RARB: variants seen among roughly 807,000 people sequenced by gnomAD.
RARB encodes retinoic acid receptor beta, also known as HBV-activated protein.
A neutral mutation model predicts 51.9 loss-of-function variants in RARB; 17 were observed. That is an observed-to-expected ratio of 0.33 (90% CI 0.22 to 0.49). The LOEUF (loss-of-function observed/expected upper bound fraction) is 0.49, where lower values mean the gene tolerates loss of function less well. RARB is among the 20% of genes least tolerant of loss of function. The pLI, the probability that RARB is intolerant of heterozygous loss-of-function variation, is 0.99. For synonymous variants in RARB, 215 were observed against 195.4 expected, an observed-to-expected ratio of 1.10 and a Z score of -0.84; for missense variants, 369 against 550.8, an observed-to-expected ratio of 0.67 and a Z score of 3.30.
intron 3 of RARB, among the ~76,000 whole-genome samples, chr3:25,078,349 C>A (rs1698917312): frequency 6.6e-6 from 1 of 152,090 alleles, no homozygotes; most frequent in South Asian, 2.1e-4. Context: ...TTTTGCAATA[C>A]TATCTGATGA....
chr3:25,191,132 A>G (rs1701093756), intron 5 of RARB, among the ~76,000 whole-genome samples: 1 of 152,132 alleles, frequency 6.6e-6, no homozygotes, highest in Admixed American at 6.6e-5. Context: ...TCATGTATTA[A>G]AAGGGCATTT....
At chr3:25,279,218 C>T (rs1017676074) in intron 5 of RARB, among the ~76,000 whole-genome samples, 2 of 152,186 alleles carry the variant, frequency 1.3e-5, no homozygotes, top group Admixed American at 6.5e-5. Flanking sequence ...AAAATCAACA[C>T]TGAAACTTGG....
At chr3:25,035,887 C>T (rs1238937554) in intron 2 of RARB, among the ~76,000 whole-genome samples, 2 of 152,136 alleles carry the variant, frequency 1.3e-5, no homozygotes, top group African/African-American at 4.8e-5. Flanking sequence ...GCCTCAGTGA[C>T]TGCCACAACT....
intron 1 of RARB, among the ~76,000 whole-genome samples, chr3:25,457,514 C>T (rs1694978851): frequency 6.6e-6 from 1 of 152,174 alleles, no homozygotes; most frequent in Admixed American, 6.5e-5. Flanking sequence ...TCAGGAAAAG[C>T]CTTCTGGATT....
At chr3:25,070,952 C>T (rs1362618281) in intron 3 of RARB, among the ~76,000 whole-genome samples, 1 of 152,160 alleles carries the variant, frequency 6.6e-6, no homozygotes, top group Middle Eastern at 3.2e-3. Flanking sequence ...AGAGTGAATT[C>T]TTCACAAGCT....
intron 3 of RARB, among the ~76,000 whole-genome samples, chr3:25,501,930 G>T (rs1330769823): frequency 6.6e-6 from 1 of 152,204 alleles, no homozygotes; most frequent in Non-Finnish European, 1.5e-5. Context: ...TGATGATGGG[G>T]ATTTGAAATA....
chr3:25,066,907 G>A (rs1451797267), intron 3 of RARB, among the ~76,000 whole-genome samples: 7 of 152,142 alleles, frequency 4.6e-5, no homozygotes. Flanking sequence ...CGGTGCTGAA[G>A]CAGAATGACC....
intron 3 of RARB, among the ~76,000 whole-genome samples, chr3:25,087,414 AG>A (rs1699123497): frequency 6.6e-6 from 1 of 152,120 alleles, no homozygotes; most frequent in Non-Finnish European, 1.5e-5. Flanking sequence ...TTCAGATTGT[AG>A]GTGGAAGAAG....
At chr3:24,919,930 T>A (rs1695184231) in intron 2 of RARB, among the ~76,000 whole-genome samples, 1 of 152,214 alleles carries the variant, frequency 6.6e-6, no homozygotes, top group African/African-American at 2.4e-5. Flanking sequence ...GTGTGGTCTC[T>A]GCCTACAAAT....
chr3:25,425,505 T>G (rs1575391458), upstream of RARB, among the ~76,000 whole-genome samples: 2 of 152,220 alleles, frequency 1.3e-5, no homozygotes, highest in Admixed American at 1.3e-4. Context: ...ATTAATTGAC[T>G]AGCGAATATT....
intron 2 of RARB, among the ~76,000 whole-genome samples, chr3:24,951,417 G>A (rs1695888420): frequency 6.6e-6 from 1 of 152,314 alleles, no homozygotes; most frequent in Non-Finnish European, 1.5e-5. Context: ...CTTTGTCTTA[G>A]GGCATCGGAC....
chr3:24,909,914 T>C (rs1478390007), intron 2 of RARB, among the ~76,000 whole-genome samples: 1 of 152,178 alleles, frequency 6.6e-6, no homozygotes, highest in African/African-American at 2.4e-5. Context: ...TGTTTGTATT[T>C]ATTCTCCACA....
intron 2 of RARB, among the ~76,000 whole-genome samples, chr3:25,012,880 C>T (rs2125280663): frequency 6.6e-6 from 1 of 152,128 alleles, no homozygotes; most frequent in East Asian, 1.9e-4. Flanking sequence ...CTCCAGAGGT[C>T]AAATAAGAGA....
chr3:25,254,591 C>T (rs549828132), intron 5 of RARB, among the ~76,000 whole-genome samples: 133 of 151,882 alleles, frequency 8.8e-4, no homozygotes, highest in Non-Finnish European at 1.6e-3. Flanking sequence ...GTATCACTTA[C>T]AGCTGGGGGG....
chr3:25,212,262 T>C (rs559673094), intron 5 of RARB, among the ~76,000 whole-genome samples: 4 of 152,334 alleles, frequency 2.6e-5, no homozygotes, highest in Admixed American at 6.5e-5. Flanking sequence ...TAATATAGAC[T>C]ATGCTAAATT....
Position 25,075,548 on chromosome 3 carries a change from TTGC to T in RARB, c.-328+15374_-328+15376del, listed in dbSNP as rs1373576764. On this transcript the variant is annotated intron_variant, in intron 3 of 11. Coordinates refer to the RARB transcript ENST00000383772. Reference sequence around the variant, plus strand: ...ATATTTCCCCCGCTTTCTCTAGCCATTGCTACATTATAGCTAGGGGGAAATATT... The same window carrying T: ...ATATTTCCCCCGCTTTCTCTAGCCATTACATTATAGCTAGGGGGAAATATT... Among the ~76,000 whole-genome samples the T allele has an allele frequency of 5.3e-5, 8 of 152,194 alleles. 1 individual carries two copies.
rs145474042 is a variant in RARB at position 25,261,143 on chromosome 3, G to A, written c.178+86568G>A. Reference sequence around the variant, plus strand: ...TCTACATGTGTTACTTAAATAAATTGTAATATTTAGCACATAATGAATACT... The same window carrying A: ...TCTACATGTGTTACTTAAATAAATTATAATATTTAGCACATAATGAATACT... On this transcript the variant is annotated intron_variant, in intron 5 of 11. Coordinates refer to the RARB transcript ENST00000383772. Among the ~76,000 whole-genome samples, 1,229 of 152,162 alleles carry A rather than the reference G, an allele frequency of 8.1e-3. 9 individuals carry two copies. Among genetic ancestry groups the A allele is most frequent in the Non-Finnish European group, 0.013 (859 of 67,982 alleles).
chr3:25,220,665 T>C (rs1395667685), intron 5 of RARB, among the ~76,000 whole-genome samples: 3 of 152,320 alleles, frequency 2.0e-5, no homozygotes, highest in South Asian at 2.1e-4. Flanking sequence ...GTGAAGAAGA[T>C]GCCTGCCTCC....
At chr3:25,215,015 A>G (rs73042342) in intron 5 of RARB, among the ~76,000 whole-genome samples, 12,778 of 152,306 alleles carry the variant, frequency 0.084, 707 homozygotes, top group Non-Finnish European at 0.13. Context: ...AGTGAGTACC[A>G]GGTGGAAAAT....
Sources: gnomAD v4.1 joint callset for allele counts (sites outside exome capture counted in the v4.1 genomes callset) on GRCh38, gnomAD v4.1.1 for gene constraint, MANE v1.5 for transcripts, NCBI Gene and HGNC (gene_info 2026-07-23, HGNC 2026-07-21) for gene names.